DDX10: variants seen among roughly 807,000 people sequenced by gnomAD.
DDX10 encodes the protein DEAD-box helicase 10.
DDX10 carries 74 observed loss-of-function variants against 104.3 expected under a neutral mutation model. That is an observed-to-expected ratio of 0.71 (90% confidence interval 0.59 to 0.86). The LOEUF (loss-of-function observed/expected upper bound fraction) is 0.86, where lower values mean the gene tolerates loss of function less well. Ranked by LOEUF, DDX10 falls within the 40% of genes least tolerant of loss-of-function variation. The pLI, the probability that DDX10 is intolerant of heterozygous loss-of-function variation, is 0.00. For synonymous variants in DDX10, 351 were observed against 353.4 expected (o/e 0.99, Z 0.08); for missense variants, 952 against 1,040.0 (o/e 0.92, Z 1.16).
intron 13 of DDX10, among the ~76,000 whole-genome samples, chr11:108,815,533 C>T (rs1565287442): frequency 6.6e-6 from 1 of 152,138 alleles, no homozygotes; most frequent in Middle Eastern, 3.2e-3. Flanking sequence ...CCTCAAAAGT[C>T]AAAACCATAT....
At chr11:108,687,554 T>C (rs1480537985) in intron 6 of DDX10, among the ~76,000 whole-genome samples, 1 of 152,172 alleles carries the variant, frequency 6.6e-6, no homozygotes, top group East Asian at 1.9e-4. Context: ...TGGTTATTTT[T>C]TTTATCTACA....
intron 6 of DDX10, among the ~76,000 whole-genome samples, chr11:108,681,205 A>G (rs746703710): frequency 7.2e-5 from 11 of 152,172 alleles, no homozygotes; most frequent in African/African-American, 1.4e-4. Context: ...CCTATCCCCA[A>G]TTTCTGTAGG....
rs190564740 is a variant in DDX10, at chr11:108,715,432, G to A, written c.1323-447G>A. Among the ~76,000 whole-genome samples, 331 of 152,338 alleles carry A rather than the reference G, an allele frequency of 2.2e-3. 1 individual carries two copies. The highest frequency in any genetic ancestry group is 7.7e-3 in the African/African-American group (321 of 41,580). On this transcript the variant is annotated intron_variant, in intron 10 of 17. Transcript: ENST00000322536. ...AGCTACTTGAGAAGCTGAGATGGGGGAGGGTCACTTGAGTCCAGGGGTTCA... is the reference window on the plus strand; with the variant it reads ...AGCTACTTGAGAAGCTGAGATGGGGAAGGGTCACTTGAGTCCAGGGGTTCA...
chr11:108,775,616 C>T (rs887843007), intron 13 of DDX10, among the ~76,000 whole-genome samples: 2 of 152,166 alleles, frequency 1.3e-5, no homozygotes, highest in South Asian at 2.1e-4. Context: ...TTCCTAAATA[C>T]TATTTAAAAT....
intron 9 of DDX10, among the ~76,000 whole-genome samples, chr11:108,699,898 T>C (rs1478820410): frequency 6.6e-6 from 1 of 152,204 alleles, no homozygotes; most frequent in Admixed American, 6.5e-5. Flanking sequence ...TGGCCCAGGT[T>C]AACATAGGAG....
At position 108,937,283 on chromosome 11, in the gene DDX10, G is replaced by A. The variant is rs117760251; in HGVS notation, c.2451-2963G>A. On this transcript the variant is annotated intron_variant, in intron 17 of 17. Coordinates refer to ENST00000322536, the MANE Select transcript of DDX10 (RefSeq NM_004398.4). ...TTTTCCTCTGGCTCTTTTGTTTCTC[G>A]TGAAATTAACACTGTTATTCTGGGG... Among the ~76,000 whole-genome samples, 678 of 152,260 alleles carry A rather than the reference G, an allele frequency of 4.5e-3. 5 individuals carry two copies. The highest frequency in any genetic ancestry group is 6.9e-3 in the Non-Finnish European group (467 of 68,020).
chr11:108,849,838 C>G (rs1433752632), intron 15 of DDX10, among the ~76,000 whole-genome samples: 2 of 152,058 alleles, frequency 1.3e-5, no homozygotes, highest in African/African-American at 2.4e-5. Flanking sequence ...ATACTTTTCT[C>G]CTGAAGTAAT....
intron 10 of DDX10, among the ~76,000 whole-genome samples, 162 bp from the exon 11 acceptor site, chr11:108,715,717 G>A (rs1458375636): frequency 4.6e-5 from 7 of 152,182 alleles, no homozygotes; most frequent in Admixed American, 4.6e-4. Flanking sequence ...GTAGGTAAGA[G>A]TGTCAAACTT....
intron 13 of DDX10, among the ~76,000 whole-genome samples, chr11:108,836,377 A>G (rs1862555645): frequency 6.6e-6 from 1 of 152,260 alleles, no homozygotes; most frequent in Non-Finnish European, 1.5e-5. Context: ...ATTATTGCAG[A>G]TGCACTAGCT....
intron 16 of DDX10, among the ~76,000 whole-genome samples, chr11:108,900,667 G>C (rs1863505764): frequency 6.6e-6 from 1 of 152,168 alleles, no homozygotes; most frequent in Admixed American, 6.5e-5. Context: ...CCAAGATTTA[G>C]CAGAAGTAAC....
intron 16 of DDX10, among the ~76,000 whole-genome samples, chr11:108,872,300 C>T (rs953589111): frequency 6.6e-6 from 1 of 152,096 alleles, no homozygotes; most frequent in African/African-American, 2.4e-5. Flanking sequence ...CATTGAATAT[C>T]CTTTAAGATC....
intron 13 of DDX10, among the ~76,000 whole-genome samples, chr11:108,806,048 G>A (rs892665109): frequency 1.1e-4 from 17 of 151,866 alleles, no homozygotes; most frequent in Non-Finnish European, 2.1e-4. Context: ...TGCAACCTAC[G>A]CCTCCTGGGT....
intron 13 of DDX10, among the ~76,000 whole-genome samples, chr11:108,728,131 T>C (rs1287839475): frequency 6.6e-6 from 1 of 152,182 alleles, no homozygotes; most frequent in Non-Finnish European, 1.5e-5. Context: ...GAAATTACTT[T>C]GGCAAATTGC....
chr11:108,889,879 T>A (rs1489628441), intron 16 of DDX10, among the ~76,000 whole-genome samples: 1 of 152,208 alleles, frequency 6.6e-6, no homozygotes, highest in Non-Finnish European at 1.5e-5. Context: ...TGAAGCATTA[T>A]AAAGAAAATG....
chr11:108,785,384 T>G (rs1343354484), intron 13 of DDX10, among the ~76,000 whole-genome samples: 2 of 151,054 alleles, frequency 1.3e-5, no homozygotes, highest in African/African-American at 4.8e-5. Context: ...GGCCCGAAGC[T>G]TTTTTGTTGT....
At chr11:108,736,735 A>G (rs950555428) in intron 13 of DDX10, among the ~76,000 whole-genome samples, 1 of 152,188 alleles carries the variant, frequency 6.6e-6, no homozygotes, top group Admixed American at 6.5e-5. Flanking sequence ...GGATGCAGCA[A>G]GAAGGCTCAT....
intron 13 of DDX10, among the ~76,000 whole-genome samples, chr11:108,776,129 C>A (rs2094369571): frequency 6.6e-6 from 1 of 152,178 alleles, no homozygotes. Context: ...AGTCCTGGAA[C>A]CTTTCTGGGA....
At chr11:108,866,935 T>C (rs1407874356) in intron 16 of DDX10, among the ~76,000 whole-genome samples, 1 of 152,110 alleles carries the variant, frequency 6.6e-6, no homozygotes, top group Non-Finnish European at 1.5e-5. Flanking sequence ...AGTTCAGAAG[T>C]TGGAGAGATT....
intron 13 of DDX10, among the ~76,000 whole-genome samples, chr11:108,813,479 T>G (rs374212965): frequency 7.2e-5 from 11 of 152,350 alleles, no homozygotes; most frequent in African/African-American, 2.4e-4. Context: ...TATCTTTTGC[T>G]TCCAACCTGA....
Sources: gnomAD v4.1 joint callset for allele counts (sites outside exome capture counted in the v4.1 genomes callset) on GRCh38, gnomAD v4.1.1 for gene constraint, MANE v1.5 for transcripts, NCBI Gene and HGNC (gene_info 2026-07-23, HGNC 2026-07-21) for gene names.